SLC9A3: variants seen among roughly 807,000 people sequenced by gnomAD.
SLC9A3 encodes sodium/hydrogen exchanger 3.
SLC9A3 carries 37 observed loss-of-function variants against 86.8 expected under a neutral mutation model. That is an observed-to-expected ratio of 0.43 (90% CI 0.33 to 0.56). The LOEUF (loss-of-function observed/expected upper bound fraction) is 0.56. SLC9A3 is among the 20% of genes least tolerant of loss of function. The pLI, the probability that SLC9A3 is intolerant of heterozygous loss-of-function variation, is 0.06. For missense variants in SLC9A3, 1,011 were observed against 1,171.9 expected, an observed-to-expected ratio of 0.86 and a Z score of 2.00; for synonymous variants, 581 against 528.3, an observed-to-expected ratio of 1.10 and a Z score of -1.37.
At chr5:482,874 A>G in intron 6 of SLC9A3, 124 bp from the exon 7 acceptor site, 1 of 740,088 alleles carries the variant, frequency 1.4e-6, no homozygotes, top group Non-Finnish European at 2.2e-6. Flanking sequence ...CACCCTAGAT[A>G]CGGCGTCCCC....
rs934229570 is a variant in SLC9A3 at position 496,329 on chromosome 5, G to A, written c.212-4258C>T. ...TGCCGTCCCACCTGCCCACGGGGGA[G>A]GAGCCGCACCCATCCCCACCGGCCA... On this transcript the variant is annotated intron_variant, in intron 1 of 16. Transcript: ENST00000264938. The surrounding 1 kb of genome is among the most constrained non-coding windows in gnomAD (Gnocchi z 4.7). Among the ~76,000 whole-genome samples the A allele has an allele frequency of 2.2e-5, 3 of 138,160 alleles. No homozygotes were observed. The highest frequency in any genetic ancestry group is 8.0e-5 in the African/African-American group (3 of 37,568). The allele number at this position is 138,160 out of a possible 152,430, so 90.6% of individuals were successfully genotyped here.
chr5:473,185 CGGG>C lies in SLC9A3; in HGVS notation c.*191_*193del. ...GCAGGCCCCGCCCCCGGCTCGCCCT[CGGG>C]CGGCTCTGCGGGCGCAGGCGCGGCA... On this transcript the variant is annotated 3_prime_UTR_variant, in exon 17 of 17. Transcript: ENST00000264938. 4 of 540,656 alleles carry C rather than the reference CGGG, an allele frequency of 7.4e-6. No homozygotes were observed. The highest frequency in any genetic ancestry group is 1.1e-5 in the Non-Finnish European group (4 of 366,720). 33.5% of individuals were successfully genotyped at this position (540,656 alleles called of 1,614,324 possible). A position where few individuals can be genotyped will look rare whatever the true frequency, so the allele number is the denominator to read the frequency against.
intron 1 of SLC9A3, among the ~76,000 whole-genome samples, chr5:503,769 TGA>T (rs1740413766): frequency 6.6e-6 from 1 of 152,240 alleles, no homozygotes; most frequent in African/African-American, 2.4e-5. Flanking sequence ...ATAATGTGTG[TGA>T]GTTACCAATA....
chr5:477,758 GA>G, intron 10 of SLC9A3: 1 of 307,072 alleles, frequency 3.3e-6, no homozygotes, highest in Non-Finnish European at 6.1e-6. Context: ...TGTGTCTGGG[GA>G]AAGTGTTGAT....
Position 497,913 on chromosome 5 carries a change from T to A in SLC9A3, c.212-5842A>T, listed in dbSNP as rs1272781497. 6.6e-6 allele frequency among the ~76,000 whole-genome samples: 1 copy of A among 151,480 alleles called. No individual in the cohort carries two copies. The highest frequency in any genetic ancestry group is 2.0e-4 in the East Asian group (1 of 5,098). ...TCCCGGGTGGGGTCGCCCGGCCGCATCCCCAGCCTCTGCCCTCCGACAACT... is the reference window on the plus strand; with the variant it reads ...TCCCGGGTGGGGTCGCCCGGCCGCAACCCCAGCCTCTGCCCTCCGACAACT... On this transcript the variant is annotated intron_variant, in intron 1 of 16. Transcript: ENST00000264938. This position sits in a 1 kb window ranked among gnomAD's most constrained non-coding sequence, Gnocchi z 5.4.
chr5:482,491 C>T (rs1463979388), intron 7 of SLC9A3, 57 bp downstream of exon 7: 2 of 1,437,794 alleles, frequency 1.4e-6, no homozygotes, highest in East Asian at 4.6e-5. Context: ...AAGTGCGGGC[C>T]CAGGCTCCCC....
At chr5:494,333 C>T (rs1016383025) in intron 1 of SLC9A3, among the ~76,000 whole-genome samples, 15 of 152,214 alleles carry the variant, frequency 9.9e-5, no homozygotes, top group Non-Finnish European at 1.5e-4. Flanking sequence ...CAGGGACAGA[C>T]CTGGCCTCGC....
At chr5:490,359 G>A (rs1428356260) in intron 2 of SLC9A3, among the ~76,000 whole-genome samples, 1 of 151,452 alleles carries the variant, frequency 6.6e-6, no homozygotes, top group African/African-American at 2.4e-5. Flanking sequence ...GGGAGGGCCA[G>A]GGGTGACGTC....
chr5:518,007 A>G (rs1365147038), intron 1 of SLC9A3, among the ~76,000 whole-genome samples: 2 of 152,128 alleles, frequency 1.3e-5, no homozygotes, highest in Non-Finnish European at 2.9e-5. Context: ...GCATCCATCC[A>G]TCTATCTATT....
At chr5:519,790 A>G (rs1733831863) in intron 1 of SLC9A3, among the ~76,000 whole-genome samples, 1 of 151,608 alleles carries the variant, frequency 6.6e-6, no homozygotes, top group African/African-American at 2.4e-5. Context: ...GCAGAAAAGC[A>G]TTCCCACACT....
In SLC9A3 at chr5:483,495, A is replaced by C; in HGVS notation, c.933-13T>G. The C allele has an allele frequency of 6.4e-7, 1 of 1,553,832 alleles. No homozygotes were observed. Among genetic ancestry groups the C allele is most frequent in the Non-Finnish European group, 8.7e-7 (1 of 1,146,900 alleles). On this transcript the variant is annotated splice_polypyrimidine_tract_variant and intron_variant, in intron 5 of 16. Coordinates refer to ENST00000264938, the MANE Select transcript of SLC9A3 (RefSeq NM_004174.4). ...ACAGAAGGTGATGCTGCAGGGACAGACGCGCCTCAGGACACGGCCACCTGG... is the reference window on the plus strand; with the variant it reads ...ACAGAAGGTGATGCTGCAGGGACAGCCGCGCCTCAGGACACGGCCACCTGG...
intron 16 of SLC9A3, 129 bp from the exon 17 acceptor site, chr5:473,511 C>G: frequency 7.8e-6 from 6 of 766,796 alleles, no homozygotes; most frequent in Non-Finnish European, 1.1e-5. Context: ...ACCCCAGGCT[C>G]GGCGTCCGCT....
At chr5:493,842 C>T (rs1036418441) in intron 1 of SLC9A3, among the ~76,000 whole-genome samples, 1 of 152,230 alleles carries the variant, frequency 6.6e-6, no homozygotes, top group African/African-American at 2.4e-5. Flanking sequence ...CCGGGCTGCA[C>T]ATCCTGCACA....
At chr5:500,243 G>A (rs1740199268) in intron 1 of SLC9A3, among the ~76,000 whole-genome samples, 1 of 152,240 alleles carries the variant, frequency 6.6e-6, no homozygotes, top group Admixed American at 6.5e-5. Flanking sequence ...CAGAGCCTGG[G>A]CTCAGCCACA....
At chr5:488,234 T>C in intron 3 of SLC9A3, 82 bp downstream of exon 3, 2 of 1,501,704 alleles carry the variant, frequency 1.3e-6, no homozygotes, top group South Asian at 2.3e-5. Context: ...CGCCCTCCTT[T>C]GCTGACTGAC....
intron 1 of SLC9A3, among the ~76,000 whole-genome samples, chr5:508,608 C>A (rs1233270553): frequency 6.8e-6 from 1 of 146,094 alleles, no homozygotes; most frequent in African/African-American, 2.5e-5. Context: ...GGAGACGCAG[C>A]CCATAGCGCG....
intron 1 of SLC9A3, among the ~76,000 whole-genome samples, chr5:517,537 T>C: frequency 6.7e-6 from 1 of 150,026 alleles, no homozygotes; most frequent in Non-Finnish European, 1.5e-5. Flanking sequence ...CATCCATCAA[T>C]CCACTCATCC....
chr5:475,726 G>T, intron 14 of SLC9A3, 55 bp from the exon 15 acceptor site: 2 of 987,272 alleles, frequency 2.0e-6, no homozygotes, highest in Non-Finnish European at 3.2e-6. Context: ...TGTCCTCACA[G>T]CCCAGTCAGC....
rs1244151179 is a variant in SLC9A3, at chr5:471,551, T to A, written c.*1828A>T. ...CCGGGAAGGCCAGGCCCCGGCCTGC[T>A]CCGATGAACGTCAGGACGGTGGCTG... On this transcript the variant is annotated 3_prime_UTR_variant, in exon 17 of 17. Transcript: ENST00000264938. 2 of 351,392 alleles carry A rather than the reference T, an allele frequency of 5.7e-6. No individual in the cohort carries two copies. Among genetic ancestry groups the A allele is most frequent in the African/African-American group, 4.3e-5 (2 of 46,604 alleles). 21.8% of individuals were successfully genotyped at this position (351,392 alleles called of 1,614,324 possible).
Sources: allele counts gnomAD v4.1 joint callset (sites outside exome capture counted in the v4.1 genomes callset), GRCh38; gene constraint gnomAD v4.1.1; non-coding constraint Gnocchi (gnomAD v3.1); transcripts MANE v1.5; gene names NCBI Gene and HGNC (gene_info 2026-07-23, HGNC 2026-07-21).